The following SGCZ variants were observed in gnomAD, a reference collection of about 807,000 sequenced individuals.
The protein encoded by SGCZ is sarcoglycan zeta.
SGCZ carries 40 observed loss-of-function variants against 41.3 expected under a neutral mutation model. That is an observed-to-expected ratio of 0.97 (90% CI 0.75 to 1.26). The LOEUF is 1.26. SGCZ is among the 50% of genes most tolerant of loss of function. SGCZ has a pLI of 0.00. For missense variants in SGCZ, 552 were observed against 369.8 expected, an observed-to-expected ratio of 1.49 and a Z score of -4.04; for synonymous variants, 206 against 137.5, an observed-to-expected ratio of 1.50 and a Z score of -3.49.
intron 3 of SGCZ, among the ~76,000 whole-genome samples, chr8:14,258,074 C>T: frequency 6.6e-6 from 1 of 152,022 alleles, no homozygotes; most frequent in Non-Finnish European, 1.5e-5. Context: ...TTACAACTAC[C>T]AAAGTAGTGA....
intron 1 of SGCZ, among the ~76,000 whole-genome samples, chr8:14,916,840 A>C (rs1025685573): frequency 1.3e-5 from 2 of 152,176 alleles, no homozygotes; most frequent in African/African-American, 4.8e-5. Flanking sequence ...CTTTGTAAAA[A>C]TAGACGCATA....
chr8:14,687,620 G>A (rs1017142712), intron 1 of SGCZ, among the ~76,000 whole-genome samples: 1 of 151,832 alleles, frequency 6.6e-6, no homozygotes, highest in Non-Finnish European at 1.5e-5. Flanking sequence ...TTGGTTCCAA[G>A]TCTTTGCTAT....
At chr8:15,070,161 G>A (rs1010367648) in intron 1 of SGCZ, among the ~76,000 whole-genome samples, 1 of 151,994 alleles carries the variant, frequency 6.6e-6, no homozygotes, top group African/African-American at 2.4e-5. Flanking sequence ...GATTATATTA[G>A]TTATTCTCAG....
intron 4 of SGCZ, among the ~76,000 whole-genome samples, chr8:14,227,676 G>T (rs749356921): frequency 1.3e-5 from 2 of 152,008 alleles, no homozygotes; most frequent in Non-Finnish European, 2.9e-5. Flanking sequence ...GGGTAATACT[G>T]TTTCCTCATT....
At chr8:14,795,540 A>G (rs2243689) in intron 1 of SGCZ, among the ~76,000 whole-genome samples, 54,639 of 151,892 alleles carry the variant, frequency 0.36, 11,523 homozygotes, top group East Asian at 0.49. Context: ...CCTCCTAGAC[A>G]CAAGGAAGCG....
At chr8:14,241,291 T>C (rs1461757883) in intron 3 of SGCZ, among the ~76,000 whole-genome samples, 3 of 151,690 alleles carry the variant, frequency 2.0e-5, no homozygotes, top group Non-Finnish European at 4.4e-5. Context: ...GCTGAGAAGA[T>C]AAAGGAGAGA....
chr8:14,233,968 C>A (rs1806665578), intron 4 of SGCZ, among the ~76,000 whole-genome samples: 1 of 151,774 alleles, frequency 6.6e-6, no homozygotes, highest in Non-Finnish European at 1.5e-5. Context: ...CAGCTTTATT[C>A]TAAGAAGAGA....
At chr8:14,711,702 G>A (rs547899333) in intron 1 of SGCZ, among the ~76,000 whole-genome samples, 2 of 151,390 alleles carry the variant, frequency 1.3e-5, no homozygotes, top group African/African-American at 2.4e-5. Flanking sequence ...TTACCATGTA[G>A]CATTAGTGTT....
intron 1 of SGCZ, among the ~76,000 whole-genome samples, chr8:14,585,753 G>A (rs1805036891): frequency 6.6e-6 from 1 of 152,036 alleles, no homozygotes; most frequent in South Asian, 2.1e-4. Context: ...ACGATTAATT[G>A]TTTATTGCCA....
At chr8:15,076,937 T>C (rs1403703614) in intron 1 of SGCZ, among the ~76,000 whole-genome samples, 2 of 152,164 alleles carry the variant, frequency 1.3e-5, no homozygotes, top group South Asian at 4.1e-4. Flanking sequence ...TTCATGTCAA[T>C]TGATTGGGAC....
intron 2 of SGCZ, among the ~76,000 whole-genome samples, chr8:14,386,822 T>C (rs1315822776): frequency 1.3e-5 from 2 of 152,182 alleles, no homozygotes; most frequent in East Asian, 3.9e-4. Flanking sequence ...ATTCAAGTTG[T>C]GTGTATATTT....
intron 5 of SGCZ, among the ~76,000 whole-genome samples, chr8:14,136,285 C>T (rs1803195207): frequency 6.6e-6 from 1 of 152,146 alleles, no homozygotes. Flanking sequence ...CCGGGTTAAT[C>T]TCACTGGGAC....
chr8:14,961,233 G>A (rs1446762965), intron 1 of SGCZ, among the ~76,000 whole-genome samples: 1 of 151,944 alleles, frequency 6.6e-6, no homozygotes, highest in Non-Finnish European at 1.5e-5. Context: ...TTTATTAGTT[G>A]GTAAATCTCT....
In SGCZ at chr8:14,262,692, T is replaced by A. The variant is rs1382684669; in HGVS notation, c.337-25013A>T. ...ATCGAGCTTTAAAACTTCAAGAACCTTGAATAAATAATACAAAAATCATCT... is the reference window on the plus strand; with the variant it reads ...ATCGAGCTTTAAAACTTCAAGAACCATGAATAAATAATACAAAAATCATCT... On this transcript the variant is annotated intron_variant, in intron 3 of 7. Coordinates refer to ENST00000382080, the MANE Select transcript of SGCZ (RefSeq NM_139167.4). Among the ~76,000 whole-genome samples, 3 of 151,676 alleles carry A rather than the reference T, an allele frequency of 2.0e-5. No individual in the cohort carries two copies. In the East Asian group the frequency reaches 5.8e-4, roughly 29 times the overall value.
chr8:14,455,461 C>T (rs1375343524), intron 2 of SGCZ, among the ~76,000 whole-genome samples: 2 of 104,822 alleles, frequency 1.9e-5, no homozygotes, highest in African/African-American at 5.0e-5. Flanking sequence ...TGCATACACA[C>T]ACACACACAC....
chr8:14,710,094 C>A (rs140976617), intron 1 of SGCZ, among the ~76,000 whole-genome samples: 1 of 151,968 alleles, frequency 6.6e-6, no homozygotes, highest in Non-Finnish European at 1.5e-5. Flanking sequence ...GGGCCAGGCG[C>A]GGTGGCTCAC....
intron 2 of SGCZ, among the ~76,000 whole-genome samples, chr8:14,534,996 T>C (rs1011524431): frequency 6.6e-6 from 1 of 151,948 alleles, no homozygotes; most frequent in African/African-American, 2.4e-5. Context: ...CCCTGGACCT[T>C]CTAGGTTTGC....
At chr8:14,854,136 T>C (rs1042059082) in intron 1 of SGCZ, among the ~76,000 whole-genome samples, 40 of 149,840 alleles carry the variant, frequency 2.7e-4, no homozygotes, top group African/African-American at 6.6e-4. Context: ...AAAATGTAAA[T>C]TGAAATACAT....
chr8:14,280,347 A>T (rs1449252200), intron 3 of SGCZ, among the ~76,000 whole-genome samples: 1 of 151,872 alleles, frequency 6.6e-6, no homozygotes, highest in Non-Finnish European at 1.5e-5. Context: ...ACAGCAGAGT[A>T]AGAGAGAATC....
Sources: allele counts gnomAD v4.1 joint callset (sites outside exome capture counted in the v4.1 genomes callset), GRCh38; gene constraint gnomAD v4.1.1; transcripts MANE v1.5; gene names NCBI Gene and HGNC (gene_info 2026-07-23, HGNC 2026-07-21).